Variants in LOC400499 observed in about 807,000 individuals in gnomAD.
chr16:11,405,416 C>A, the LOC400499 span, among the ~76,000 whole-genome samples: 1 of 152,092 alleles, frequency 6.6e-6, no homozygotes, highest in Non-Finnish European at 1.5e-5. Flanking sequence ...AGTCACAGGA[C>A]AGAAAATGAT....
chr16:11,401,297 G>A, the LOC400499 span: 6 of 399,076 alleles, frequency 1.5e-5, no homozygotes, highest in Middle Eastern at 1.9e-3. Context: ...CCTGCTCTCA[G>A]CAAGGCCACT....
At chr16:11,466,260 C>T in the LOC400499 span, among the ~76,000 whole-genome samples, 2 of 152,152 alleles carry the variant, frequency 1.3e-5, no homozygotes, top group African/African-American at 4.8e-5. Flanking sequence ...GAGTCTATAC[C>T]AGCGCCAACC....
the LOC400499 span, among the ~76,000 whole-genome samples, chr16:11,503,883 C>A: frequency 6.6e-6 from 1 of 152,232 alleles, no homozygotes; most frequent in Non-Finnish European, 1.5e-5. Context: ...CTCTATTGCC[C>A]AGTTTGGGGC....
the LOC400499 span, chr16:11,516,067 G>C: frequency 2.5e-6 from 1 of 399,514 alleles, no homozygotes; most frequent in Non-Finnish European, 4.4e-6. Context: ...TGTCCACCTG[G>C]GCAGACAGGG....
At chr16:11,405,089 A>G in the LOC400499 span, among the ~76,000 whole-genome samples, 2 of 152,182 alleles carry the variant, frequency 1.3e-5, no homozygotes, top group African/African-American at 4.8e-5. Context: ...CCAACAGGAG[A>G]CAGCACAGAA....
At chr16:11,469,483 G>T in the LOC400499 span, 1 of 399,100 alleles carries the variant, frequency 2.5e-6, no homozygotes, top group South Asian at 1.3e-4. Flanking sequence ...GGGGCGCAGT[G>T]AGCAGGGAGG....
At chr16:11,393,653 G>T in the LOC400499 span, 1 of 1,096,370 alleles carries the variant, frequency 9.1e-7, no homozygotes, top group Non-Finnish European at 1.2e-6. Context: ...AGGCTGGCTG[G>T]GGAGGCTGCT....
the LOC400499 span, among the ~76,000 whole-genome samples, chr16:11,466,963 A>G: frequency 6.6e-6 from 1 of 152,018 alleles, no homozygotes; most frequent in Admixed American, 6.6e-5. Flanking sequence ...ACACATATAT[A>G]TATTTTTGAG....
At chr16:11,470,245 C>A in the LOC400499 span, among the ~76,000 whole-genome samples, 1 of 152,092 alleles carries the variant, frequency 6.6e-6, no homozygotes, top group African/African-American at 2.4e-5. Context: ...TGTCCTTGTC[C>A]CCCAGCTTCT....
the LOC400499 span, among the ~76,000 whole-genome samples, chr16:11,449,794 T>C: frequency 2.0e-5 from 3 of 152,340 alleles, no homozygotes; most frequent in African/African-American, 7.2e-5. Flanking sequence ...GGCCAAGACC[T>C]CAGAGCCATT....
chr16:11,390,483 C>A, the LOC400499 span: 1 of 1,235,364 alleles, frequency 8.1e-7, no homozygotes, highest in Non-Finnish European at 1.0e-6. Flanking sequence ...GCAGCCACCA[C>A]CCACCATGAG....
At chr16:11,416,033 G>A in the LOC400499 span, among the ~76,000 whole-genome samples, 1 of 150,866 alleles carries the variant, frequency 6.6e-6, no homozygotes, top group Middle Eastern at 3.4e-3. Context: ...TCGGCTCACT[G>A]CAACCTCCGC....
the LOC400499 span, among the ~76,000 whole-genome samples, chr16:11,506,834 G>A: frequency 6.6e-6 from 1 of 152,200 alleles, no homozygotes; most frequent in African/African-American, 2.4e-5. Flanking sequence ...AAGCTCATGA[G>A]GTCTATCCCC....
At chr16:11,384,854 A>T in the LOC400499 span, 13 of 1,231,782 alleles carry the variant, frequency 1.1e-5, no homozygotes, top group Non-Finnish European at 1.3e-5. Flanking sequence ...AGTCCGCTGT[A>T]GGTGGGGCCA....
chr16:11,411,993 G>A, the LOC400499 span, among the ~76,000 whole-genome samples: 1 of 152,054 alleles, frequency 6.6e-6, no homozygotes, highest in Non-Finnish European at 1.5e-5. Flanking sequence ...CTCCTGAGCA[G>A]CTGGGACTAC....
chr16:11,418,119 G>C, the LOC400499 span, among the ~76,000 whole-genome samples: 1 of 152,180 alleles, frequency 6.6e-6, no homozygotes, highest in African/African-American at 2.4e-5. Context: ...GCTGGAGAAA[G>C]ACTTTGGGAA....
chr16:11,374,174 G>T, the LOC400499 span, among the ~76,000 whole-genome samples: 1 of 151,990 alleles, frequency 6.6e-6, no homozygotes, highest in Non-Finnish European at 1.5e-5. Context: ...GAGTCCTGTG[G>T]GTCTGTGTCT....
At chr16:11,425,512 TG>T in the LOC400499 span, 27 of 398,268 alleles carry the variant, frequency 6.8e-5, no homozygotes, top group East Asian at 9.6e-4. Context: ...GAAAAGAATT[TG>T]GGGGTAAGAA....
chr16:11,450,509 G>A, the LOC400499 span: 1 of 1,183,002 alleles, frequency 8.5e-7, no homozygotes, highest in Non-Finnish European at 1.2e-6. Context: ...CCTGTGAGCT[G>A]CTATCTGCCC....
Sources: allele counts gnomAD v4.1 joint callset (sites outside exome capture counted in the v4.1 genomes callset), GRCh38; gene constraint gnomAD v4.1.1; transcripts MANE v1.5.